MRPL3: variants seen among roughly 807,000 people sequenced by gnomAD.
MRPL3 encodes the protein mitochondrial ribosomal protein L3.
MRPL3 carries 43 observed loss-of-function variants against 44.3 expected under a neutral mutation model. The observed-to-expected ratio is 0.97, with a 90% CI of 0.76 to 1.25. The LOEUF is 1.25. Ranked by LOEUF, MRPL3 falls within the 50% of genes most tolerant of loss-of-function variation. The probability of loss-of-function intolerance (pLI) is 0.00; values close to 1 mark genes in which losing one functional copy is unlikely to be tolerated. For missense variants in MRPL3, 406 were observed against 427.6 expected (o/e 0.95, Z 0.45); for synonymous variants, 171 against 152.3 (o/e 1.12, Z -0.91).
Position 131,471,294 on chromosome 3 carries a change from C to T in MRPL3, c.630-15G>A, listed in dbSNP as rs147025268. 1.3e-3 allele frequency: 2,068 copies of T among 1,550,488 alleles called. 19 individuals carry two copies. The highest frequency in any genetic ancestry group is 3.4e-4 in the Middle Eastern group (2 of 5,922). On this transcript the variant is annotated splice_polypyrimidine_tract_variant and intron_variant, in intron 6 of 9. Coordinates refer to ENST00000264995, the MANE Select transcript of MRPL3 (RefSeq NM_007208.4). ...CTTTACCAATACTGAACAAAACAAA[C>T]GTTAGAATTTACATAATGAAAAGAG...
At chr3:131,469,589 T>A in intron 8 of MRPL3, 107 bp downstream of exon 8, 3 of 716,856 alleles carry the variant, frequency 4.2e-6, no homozygotes, top group Non-Finnish European at 6.8e-6. Flanking sequence ...TCAATAATTT[T>A]AAAGCCTCTT....
intron 4 of MRPL3, among the ~76,000 whole-genome samples, chr3:131,495,470 G>A (rs976332242): frequency 2.0e-5 from 3 of 152,192 alleles, no homozygotes; most frequent in East Asian, 1.9e-4. Context: ...AAGGTCCTTC[G>A]CAGTACTTTC....
At chr3:131,502,671 G>C (rs1342050751) in intron 1 of MRPL3, 59 bp downstream of exon 1, 15 of 1,452,920 alleles carry the variant, frequency 1.0e-5, no homozygotes, top group African/African-American at 1.4e-5. Context: ...AACTGCACCA[G>C]GCCATTCCAC....
chr3:131,501,455 T>C, intron 2 of MRPL3, 76 bp downstream of exon 2: 1 of 1,099,140 alleles, frequency 9.1e-7, no homozygotes. Context: ...AATTATCAAG[T>C]AGTCACTATG....
chr3:131,501,386 G>T, intron 2 of MRPL3, 145 bp downstream of exon 2: 1 of 738,506 alleles, frequency 1.4e-6, no homozygotes, highest in Non-Finnish European at 2.2e-6. Flanking sequence ...AAATAAACAT[G>T]CAAAACAAAC....
At chr3:131,491,641 T>C (rs1934258401) in intron 4 of MRPL3, among the ~76,000 whole-genome samples, 1 of 152,154 alleles carries the variant, frequency 6.6e-6, no homozygotes, top group Non-Finnish European at 1.5e-5. Context: ...CTTGATTCTT[T>C]TCTTCTTCAC....
At chr3:131,501,888 T>A (rs1934505177) in intron 1 of MRPL3, 173 bp from the exon 2 acceptor site, 1 of 1,538,804 alleles carries the variant, frequency 6.5e-7, no homozygotes, top group Non-Finnish European at 8.7e-7. Context: ...CCACATTCCT[T>A]CGGATAAGGC....
chr3:131,502,669 C>T, intron 1 of MRPL3, 61 bp downstream of exon 1: 1 of 1,435,458 alleles, frequency 7.0e-7, no homozygotes, highest in Non-Finnish European at 9.5e-7. Context: ...CCAACTGCAC[C>T]AGGCCATTCC....
intron 1 of MRPL3, 47 bp downstream of exon 1, chr3:131,502,683 G>A: frequency 1.3e-6 from 2 of 1,523,764 alleles, no homozygotes; most frequent in Non-Finnish European, 1.8e-6. Flanking sequence ...CCATTCCACT[G>A]CTTCAGGACG....
At chr3:131,479,578 C>T (rs1466041596) in intron 6 of MRPL3, among the ~76,000 whole-genome samples, 2 of 152,186 alleles carry the variant, frequency 1.3e-5, no homozygotes, top group Non-Finnish European at 2.9e-5. Context: ...GGCATGGTGG[C>T]TCACGGCCTG....
chr3:131,475,430 T>C (rs1933833950), intron 6 of MRPL3, among the ~76,000 whole-genome samples: 1 of 151,928 alleles, frequency 6.6e-6, no homozygotes, highest in Non-Finnish European at 1.5e-5. Context: ...GAAGTTGAGG[T>C]GGGAGGGCTG....
chr3:131,467,889 G>A (rs1248066270), intron 9 of MRPL3, among the ~76,000 whole-genome samples: 1 of 151,718 alleles, frequency 6.6e-6, no homozygotes, highest in Non-Finnish European at 1.5e-5. Flanking sequence ...TTTCACTCAG[G>A]TGCTACTAAA....
At chr3:131,486,036 A>G (rs573617725) in intron 6 of MRPL3, among the ~76,000 whole-genome samples, 2 of 151,924 alleles carry the variant, frequency 1.3e-5, no homozygotes, top group East Asian at 4.0e-4. Context: ...TTGAAGAAAC[A>G]AACATCTGAT....
At chr3:131,488,494 G>A (rs1934179875) in intron 5 of MRPL3, among the ~76,000 whole-genome samples, 2 of 151,914 alleles carry the variant, frequency 1.3e-5, no homozygotes, top group African/African-American at 4.8e-5. Context: ...GAACTATTTG[G>A]CAATCAATTA....
chr3:131,483,977 C>A (rs1934054821), intron 6 of MRPL3, among the ~76,000 whole-genome samples: 1 of 152,068 alleles, frequency 6.6e-6, no homozygotes, highest in Non-Finnish European at 1.5e-5. Flanking sequence ...TGAGATTTTT[C>A]TCTTTTCTAA....
At chr3:131,493,850 C>T (rs1201042967) in intron 4 of MRPL3, among the ~76,000 whole-genome samples, 2 of 152,030 alleles carry the variant, frequency 1.3e-5, no homozygotes, top group African/African-American at 4.8e-5. Flanking sequence ...ACTAAAAAAC[C>T]CTAACCAACT....
chr3:131,469,636 T>C, intron 8 of MRPL3, 60 bp downstream of exon 8: 2 of 1,164,464 alleles, frequency 1.7e-6, no homozygotes, highest in Non-Finnish European at 2.5e-6. Context: ...ATACATATTC[T>C]GCTGCCTTTG....
intron 2 of MRPL3, 142 bp from the exon 3 acceptor site, chr3:131,500,663 G>T: frequency 1.5e-6 from 1 of 653,394 alleles, no homozygotes. Context: ...GAGTAAAGTA[G>T]GACTGTTCTT....
At position 131,494,799 on chromosome 3, in the gene MRPL3, TTTTC is replaced by T. The variant is rs749535885; in HGVS notation, c.468+3376_468+3379del. Among the ~76,000 whole-genome samples, 112 of 152,168 alleles carry T rather than the reference TTTTC, an allele frequency of 7.4e-4. 1 individual carries two copies. Among genetic ancestry groups the T allele is most frequent in the Non-Finnish European group, 8.4e-4 (57 of 68,006 alleles). ...AAACCAGAAGCAATGTAAAAGACTT[TTTTC>T]TTTTTTTCAGACTTCTAAATAAGTA... On this transcript the variant is annotated intron_variant, in intron 4 of 9. Transcript: ENST00000264995.
Sources: allele counts gnomAD v4.1 joint callset (sites outside exome capture counted in the v4.1 genomes callset), GRCh38; gene constraint gnomAD v4.1.1; transcripts MANE v1.5; gene names NCBI Gene and HGNC (gene_info 2026-07-23, HGNC 2026-07-21).